Variants in BMPR1A observed in about 807,000 individuals in gnomAD.
BMPR1A encodes the protein bone morphogenetic protein receptor type-1A.
Under a neutral mutation model 66.0 loss-of-function variants are expected in BMPR1A, and 7 were observed. That is an observed-to-expected ratio of 0.11 (90% CI 0.06 to 0.20). BMPR1A has a LOEUF of 0.20. Ranked by LOEUF, BMPR1A falls within the 10% of genes least tolerant of loss-of-function variation. The pLI is 1.00. For missense variants in BMPR1A, 408 were observed against 669.1 expected (o/e 0.61, Z 4.31); for synonymous variants, 200 against 229.7 (o/e 0.87, Z 1.17).
Position 86,925,057 on chromosome 10 carries a change from T to G in BMPR1A, c.*1338T>G, listed in dbSNP as rs1260950127. On this transcript the variant is annotated 3_prime_UTR_variant, in exon 13 of 13. Coordinates refer to ENST00000372037, the MANE Select transcript of BMPR1A (RefSeq NM_004329.3). ...CTGGACAGCTAAATCATTTGAGATT[T>G]TTGGTTTTTTGATTTCTATTCCCTA... The G allele has an allele frequency of 4.3e-6, 1 of 232,116 alleles. No homozygotes were observed. The highest frequency in any genetic ancestry group is 8.5e-6 in the Non-Finnish European group (1 of 117,462). The allele number at this position is 232,116 out of a possible 1,614,324, so 14.4% of individuals were successfully genotyped here.
chr10:86,844,772 A>AT (rs1258890618), intron 2 of BMPR1A, among the ~76,000 whole-genome samples: 1 of 151,922 alleles, frequency 6.6e-6, no homozygotes, highest in Non-Finnish European at 1.5e-5. Context: ...TTGAACTATT[A>AT]TTTTTTATTT....
At chr10:86,763,635 C>T (rs1012722224) in intron 1 of BMPR1A, among the ~76,000 whole-genome samples, 13 of 152,146 alleles carry the variant, frequency 8.5e-5, no homozygotes, top group Admixed American at 2.0e-4. Flanking sequence ...GGGAGTATGG[C>T]TTATGCCTGC....
chr10:86,767,786 G>A (rs1216566667), intron 1 of BMPR1A, among the ~76,000 whole-genome samples: 1 of 152,060 alleles, frequency 6.6e-6, no homozygotes. Context: ...GAACTCAATT[G>A]TCATAACTTC....
chr10:86,807,647 A>T (rs4367862), intron 1 of BMPR1A, among the ~76,000 whole-genome samples: 69,580 of 152,036 alleles, frequency 0.46, 16,625 homozygotes, highest in East Asian at 0.76. Flanking sequence ...TCTCCCAAAG[A>T]GCTGGGATTA....
At position 86,773,796 on chromosome 10, in the gene BMPR1A, G is replaced by A. The variant is rs1041223572; in HGVS notation, c.-268+16877G>A. ...GAAAAAGATATCTTAAATAGACTAA[G>A]CATATATTCTTATCACTGTGATATG... On this transcript the variant is annotated intron_variant, in intron 1 of 12. Coordinates refer to ENST00000372037, the MANE Select transcript of BMPR1A (RefSeq NM_004329.3). Among the ~76,000 whole-genome samples the A allele has an allele frequency of 2.0e-5, 3 of 151,160 alleles. No individual in the cohort carries two copies. In the East Asian group the frequency reaches 5.8e-4, roughly 29 times the overall value.
chr10:86,896,248 C>T (rs1293568373), intron 5 of BMPR1A, among the ~76,000 whole-genome samples: 1 of 151,098 alleles, frequency 6.6e-6, no homozygotes, highest in Admixed American at 6.6e-5. Flanking sequence ...CATGCAACTC[C>T]ACTCTAGTGT....
intron 1 of BMPR1A, among the ~76,000 whole-genome samples, chr10:86,760,062 T>G (rs1363281161): frequency 6.6e-6 from 1 of 150,732 alleles, no homozygotes; most frequent in African/African-American, 2.4e-5. Flanking sequence ...TTCTCCTTTA[T>G]CTAATCTTAT....
intron 1 of BMPR1A, among the ~76,000 whole-genome samples, chr10:86,774,144 C>G (rs976981160): frequency 6.6e-6 from 1 of 152,110 alleles, no homozygotes; most frequent in South Asian, 2.1e-4. Context: ...GCCACCGCGC[C>G]CAGCCTTTAA....
intron 1 of BMPR1A, among the ~76,000 whole-genome samples, chr10:86,762,122 C>G (rs765367186): frequency 6.6e-6 from 1 of 152,176 alleles, no homozygotes; most frequent in Non-Finnish European, 1.5e-5. Flanking sequence ...CCCACTAACC[C>G]CCATGATATT....
At chr10:86,804,245 T>C (rs1841853128) in intron 1 of BMPR1A, among the ~76,000 whole-genome samples, 2 of 152,122 alleles carry the variant, frequency 1.3e-5, no homozygotes, top group South Asian at 4.2e-4. Context: ...TATCACATAG[T>C]TTTCTTTTAT....
intron 2 of BMPR1A, among the ~76,000 whole-genome samples, chr10:86,840,825 A>C (rs1322184792): frequency 6.6e-6 from 1 of 152,186 alleles, no homozygotes. Context: ...GCACAAGTGA[A>C]GTCCTGTCAG....
chr10:86,888,696 A>G (rs1177584029), intron 3 of BMPR1A, among the ~76,000 whole-genome samples: 1 of 151,788 alleles, frequency 6.6e-6, no homozygotes. Flanking sequence ...GCATGGTGGC[A>G]TGTGCCCTTG....
chr10:86,907,627 TACTC>T (rs1215924493), intron 7 of BMPR1A, among the ~76,000 whole-genome samples: 1 of 152,226 alleles, frequency 6.6e-6, no homozygotes, highest in African/African-American at 2.4e-5. Context: ...AGTGGAATAT[TACTC>T]AACCAGAAAA....
intron 2 of BMPR1A, among the ~76,000 whole-genome samples, chr10:86,871,313 CTT>C (rs1045559825): frequency 1.4e-4 from 22 of 152,072 alleles, no homozygotes; most frequent in African/African-American, 5.1e-4. Context: ...TGTTTGGTGT[CTT>C]GAGTATCTTA....
At chr10:86,813,656 A>G (rs571503504) in intron 1 of BMPR1A, among the ~76,000 whole-genome samples, 2 of 152,192 alleles carry the variant, frequency 1.3e-5, no homozygotes, top group African/African-American at 4.8e-5. Flanking sequence ...ATTTCCCCCC[A>G]TTCCCTGTGC....
chr10:86,914,087 A>ATAT (rs1843528145), intron 8 of BMPR1A, among the ~76,000 whole-genome samples: 1 of 152,082 alleles, frequency 6.6e-6, no homozygotes, highest in East Asian at 1.9e-4. Flanking sequence ...GAGTTTAGAA[A>ATAT]GGAACATGCA....
chr10:86,768,000 C>T (rs1464425321), intron 1 of BMPR1A, among the ~76,000 whole-genome samples: 1 of 152,164 alleles, frequency 6.6e-6, no homozygotes, highest in East Asian at 1.9e-4. Context: ...TTCCAGTTCC[C>T]CTAGTAAGAT....
rs1057517610 is a variant in BMPR1A at position 86,890,164 on chromosome 10, C to G, written c.170C>G (p.Pro57Arg). The G allele has an allele frequency of 5.6e-6, 9 of 1,614,084 alleles. No individual in the cohort carries two copies. The highest frequency in any genetic ancestry group is 7.6e-6 in the Non-Finnish European group (9 of 1,180,006). ...GVTLAPEDTLPFLKCYCSGHC... is the reference protein window; with the variant it reads ...GVTLAPEDTLRFLKCYCSGHC... Reference sequence around the variant, plus strand: ...ACCTTAGCACCAGAGGATACCTTGCCTTTTTTAAAGTGCTATTGCTCAGGG... The same window carrying G: ...ACCTTAGCACCAGAGGATACCTTGCGTTTTTTAAAGTGCTATTGCTCAGGG... Residue 57 changes from proline (P) to arginine (R), a missense_variant, in exon 4 of 13, where the codon CCT (proline) becomes CGT (arginine). Transcript: ENST00000372037.
At position 86,899,905 on chromosome 10, in the gene BMPR1A, A is replaced by G; in HGVS notation, c.430+15A>G. On this transcript the variant is annotated intron_variant, in intron 6 of 12. Coordinates refer to ENST00000372037, the MANE Select transcript of BMPR1A (RefSeq NM_004329.3). ...TGTTGTCATAGGTAGGTTAGCCGAG[A>G]AAAGTCGGAGCATGCTTCTCAAATA... 1 of 1,613,016 alleles carries G rather than the reference A, an allele frequency of 6.2e-7. No individual in the cohort carries two copies. Among genetic ancestry groups the G allele is most frequent in the Non-Finnish European group, 8.5e-7 (1 of 1,178,960 alleles).
Sources: allele counts gnomAD v4.1 joint callset (sites outside exome capture counted in the v4.1 genomes callset), GRCh38; gene constraint gnomAD v4.1.1; transcripts MANE v1.5; gene names NCBI Gene and HGNC (gene_info 2026-07-23, HGNC 2026-07-21).